SYNE1: variants seen among roughly 807,000 people sequenced by gnomAD.
SYNE1 encodes the protein spectrin repeat containing nuclear envelope protein 1, also known as nesprin-1.
A neutral mutation model predicts 1,111.0 loss-of-function variants in SYNE1; 616 were observed. The ratio of observed to expected loss-of-function variants is 0.55; its 90% CI spans 0.52 to 0.59. The LOEUF is 0.59. Among genes scored for constraint, SYNE1 ranks in the 20% least tolerant of loss-of-function variants. The pLI is 0.00. For synonymous variants in SYNE1, 3,855 were observed against 3,825.8 expected (o/e 1.01, Z -0.28); for missense variants, 10,006 against 10,417.0 (o/e 0.96, Z 1.72).
At chr6:152,225,303 G>A (rs79238592) in intron 116 of SYNE1, among the ~76,000 whole-genome samples, 111 of 109,730 alleles carry the variant, frequency 1.0e-3, no homozygotes, top group South Asian at 1.8e-3. Flanking sequence ...ACACACACAC[G>A]CACACACACA....
At chr6:152,288,409 C>T (rs754080438) in intron 95 of SYNE1, among the ~76,000 whole-genome samples, 6 of 152,218 alleles carry the variant, frequency 3.9e-5, no homozygotes, top group Non-Finnish European at 8.8e-5. Context: ...CTCATTAAAT[C>T]TCATTGGCTT....
chr6:152,362,580 G>T (rs1245540833), intron 63 of SYNE1, among the ~76,000 whole-genome samples: 1 of 152,126 alleles, frequency 6.6e-6, no homozygotes, highest in Non-Finnish European at 1.5e-5. Flanking sequence ...AGAGTCAGCG[G>T]CTGGGGGGAC....
intron 126 of SYNE1, among the ~76,000 whole-genome samples, chr6:152,204,907 A>G (rs1222145552): frequency 6.6e-6 from 1 of 152,196 alleles, no homozygotes; most frequent in African/African-American, 2.4e-5. Context: ...AAAAAAATAT[A>G]TGATTAACAT....
intron 97 of SYNE1, among the ~76,000 whole-genome samples, chr6:152,281,025 T>G (rs2093996487): frequency 6.6e-6 from 1 of 152,176 alleles, no homozygotes; most frequent in South Asian, 2.1e-4. Flanking sequence ...AAAAAAGGAA[T>G]ATAAAGTTGT....
At chr6:152,221,188 A>G in intron 118 of SYNE1, 142 bp from the exon 119 acceptor site, 1 of 1,125,186 alleles carries the variant, frequency 8.9e-7, no homozygotes, top group Non-Finnish European at 1.3e-6. Flanking sequence ...TTAATGTTTC[A>G]TATTCCTAGT....
At chr6:152,186,738 A>G (rs998221438) in intron 128 of SYNE1, among the ~76,000 whole-genome samples, 6 of 152,160 alleles carry the variant, frequency 3.9e-5, no homozygotes, top group African/African-American at 1.4e-4. Flanking sequence ...AAGGCTTCAC[A>G]GGCATCATTT....
chr6:152,316,895 G>A lies in SYNE1; in HGVS notation c.16664C>T (p.Ala5555Val). 1 of 1,614,112 alleles carries A rather than the reference G, an allele frequency of 6.2e-7. No individual in the cohort carries two copies. The highest frequency in any genetic ancestry group is 8.5e-7 in the Non-Finnish European group (1 of 1,180,012). ...CCGAAGCTGGCTTGCAGAATTCCAT[G>A]CAATAGTTCCATGAGCCAAGACTTT... ...KAKVLAHGTI[A>V]WNSASQLREQ... Residue 5555 changes from alanine to valine, a missense_variant, in exon 87 of 146, where the codon GCA becomes GTA. Ala to Val is a moderately conservative substitution (Grantham distance 64). Around this residue, in one of 7 missense-constraint regions of SYNE1, gnomAD observed 4,955 missense variants for 5,017.2 expected, o/e 0.99. Coordinates refer to ENST00000367255, the MANE Select transcript of SYNE1 (RefSeq NM_182961.4).
At chr6:152,309,644 T>C (rs1237695267) in intron 90 of SYNE1, among the ~76,000 whole-genome samples, 191 bp downstream of exon 90, 1 of 152,216 alleles carries the variant, frequency 6.6e-6, no homozygotes, top group African/African-American at 2.4e-5. Flanking sequence ...ATATTTTTTA[T>C]ATAGCATTCC....
At chr6:152,125,136 T>C in intron 145 of SYNE1, 8 of 1,046,694 alleles carry the variant, frequency 7.6e-6, no homozygotes, top group Non-Finnish European at 1.1e-5. Flanking sequence ...ATTCTACAGT[T>C]AAAGGAAGAG....
chr6:152,371,680 A>G (rs1591342050), intron 59 of SYNE1, among the ~76,000 whole-genome samples: 1 of 60,986 alleles, frequency 1.6e-5, no homozygotes, highest in Non-Finnish European at 3.0e-5. Flanking sequence ...AGGGGAGGGG[A>G]AGGGGGAGGG....
intron 74 of SYNE1, among the ~76,000 whole-genome samples, chr6:152,339,757 C>T (rs556405653): frequency 1.3e-5 from 2 of 152,318 alleles, no homozygotes; most frequent in South Asian, 2.1e-4. Context: ...GGCAAAGGTC[C>T]GTGAGTTGGT....
intron 95 of SYNE1, among the ~76,000 whole-genome samples, chr6:152,285,294 G>A (rs2094268138): frequency 6.6e-6 from 1 of 152,006 alleles, no homozygotes; most frequent in East Asian, 1.9e-4. Context: ...TATCCCCACT[G>A]CCCCCACCTG....
chr6:152,606,752 A>G (rs1009352685), intron 3 of SYNE1, among the ~76,000 whole-genome samples: 6 of 151,846 alleles, frequency 4.0e-5, no homozygotes, highest in African/African-American at 1.2e-4. Flanking sequence ...GGTTCACGCC[A>G]TTCTCCTGCC....
intron 55 of SYNE1, chr6:152,381,658 G>A (rs2097419146): frequency 2.3e-6 from 1 of 439,532 alleles, no homozygotes; most frequent in Admixed American, 3.5e-5. Flanking sequence ...AGTGACTCAA[G>A]TGTTTGCCTG....
Position 152,451,189 on chromosome 6 carries a change from G to A in SYNE1, c.3044C>T (p.Ala1015Val). ...HKQWKDLQGE[A>V]PYHLLHLKID... ...CTTCAGATGAAGCAAATGATAAGGG[G>A]CTTCTCCTTGAAGATCCTACATTCC... Residue 1015 changes from alanine to valine, a missense_variant, in exon 26 of 146, where the codon GCC becomes GTC. Ala to Val is a moderately conservative substitution (Grantham distance 64, BLOSUM62 0). Transcript: ENST00000367255. The A allele has an allele frequency of 6.2e-7, 1 of 1,613,898 alleles. No homozygotes were observed. Among genetic ancestry groups the A allele is most frequent in the Non-Finnish European group, 8.5e-7 (1 of 1,179,990 alleles).
At chr6:152,516,459 C>T (rs1483608406) in intron 6 of SYNE1, among the ~76,000 whole-genome samples, 1 of 152,056 alleles carries the variant, frequency 6.6e-6, no homozygotes, top group African/African-American at 2.4e-5. Flanking sequence ...CCAAGGCTTC[C>T]AAGTTAATAA....
At chr6:152,335,450 T>C (rs1279039690) in intron 76 of SYNE1, 2 of 152,194 alleles carry the variant, frequency 1.3e-5, no homozygotes, top group African/African-American at 4.8e-5. Context: ...TCTTATAAAA[T>C]ACATTTTAAA....
At chr6:152,424,650 T>C (rs950550378) in intron 39 of SYNE1, among the ~76,000 whole-genome samples, 11 of 152,184 alleles carry the variant, frequency 7.2e-5, no homozygotes, top group Non-Finnish European at 1.6e-4. Flanking sequence ...TATTTGTTGA[T>C]TGATTGAATA....
intron 49 of SYNE1, among the ~76,000 whole-genome samples, 190 bp from the exon 50 acceptor site, chr6:152,397,170 C>T (rs1180559908): frequency 6.6e-6 from 1 of 152,164 alleles, no homozygotes; most frequent in Admixed American, 6.5e-5. Flanking sequence ...GCCACTGGAA[C>T]CACTGAGGAC....
Sources: gnomAD v4.1 joint callset for allele counts (sites outside exome capture counted in the v4.1 genomes callset) on GRCh38, gnomAD v4.1.1 for gene constraint, gnomAD v4.1.1 regional missense constraint, MANE v1.5 for transcripts, NCBI Gene and HGNC (gene_info 2026-07-23, HGNC 2026-07-21) for gene names.